NBEA: variants seen among roughly 807,000 people sequenced by gnomAD.
The protein encoded by NBEA is neurobeachin.
A neutral mutation model predicts 343.4 loss-of-function variants in NBEA; 44 were observed. The ratio of observed to expected loss-of-function variants is 0.13; its 90% CI spans 0.10 to 0.16. The LOEUF is 0.16. Ranked by LOEUF, NBEA falls within the 10% of genes least tolerant of loss-of-function variation. The probability of loss-of-function intolerance (pLI) is 1.00; values close to 1 mark genes in which losing one functional copy is unlikely to be tolerated. For synonymous variants in NBEA, 1,175 were observed against 1,238.7 expected (o/e 0.95, Z 1.08); for missense variants, 2,555 against 3,631.3 (o/e 0.70, Z 7.62).
chr13:34,987,633 A>T (rs1417464723), intron 1 of NBEA, among the ~76,000 whole-genome samples: 1 of 150,994 alleles, frequency 6.6e-6, no homozygotes, highest in South Asian at 2.1e-4. Flanking sequence ...AGGTACACCA[A>T]TCAAACGTAG....
chr13:35,401,343 T>C (rs541924138), intron 38 of NBEA, among the ~76,000 whole-genome samples: 1 of 152,154 alleles, frequency 6.6e-6, no homozygotes, highest in African/African-American at 2.4e-5. Context: ...GTAAATGATA[T>C]TTTTAAGTGA....
At chr13:35,274,287 G>A (rs1372025205) in intron 34 of NBEA, among the ~76,000 whole-genome samples, 1 of 152,184 alleles carries the variant, frequency 6.6e-6, no homozygotes, top group Non-Finnish European at 1.5e-5. Flanking sequence ...AATAGATGCA[G>A]AAAAGGCCGT....
intron 41 of NBEA, among the ~76,000 whole-genome samples, chr13:35,485,556 A>T (rs1462649741): frequency 6.6e-6 from 1 of 152,066 alleles, no homozygotes; most frequent in Admixed American, 6.6e-5. Context: ...AATATACTTG[A>T]TCCTCAAGAA....
At chr13:35,075,107 C>G (rs184052096) in intron 10 of NBEA, among the ~76,000 whole-genome samples, 1 of 152,230 alleles carries the variant, frequency 6.6e-6, no homozygotes, top group Non-Finnish European at 1.5e-5. Flanking sequence ...ATCACAGAGA[C>G]ATAAGTGGCA....
chr13:35,467,137 G>A (rs941334092), intron 40 of NBEA, among the ~76,000 whole-genome samples: 4 of 151,922 alleles, frequency 2.6e-5, no homozygotes, highest in Middle Eastern at 3.2e-3. Flanking sequence ...TATTTCTATG[G>A]GGGAGAATGT....
At chr13:35,000,475 C>T (rs1194280405) in intron 1 of NBEA, among the ~76,000 whole-genome samples, 1 of 151,856 alleles carries the variant, frequency 6.6e-6, no homozygotes, top group Non-Finnish European at 1.5e-5. Context: ...ATACCACCTA[C>T]AATTTACTAA....
At chr13:35,047,028 G>T (rs1441362329) in intron 4 of NBEA, among the ~76,000 whole-genome samples, 1 of 151,984 alleles carries the variant, frequency 6.6e-6, no homozygotes, top group Non-Finnish European at 1.5e-5. Flanking sequence ...TGGAATGTAA[G>T]TTCATCTATT....
At chr13:35,462,119 G>A (rs79428218) in intron 40 of NBEA, among the ~76,000 whole-genome samples, 113 of 152,246 alleles carry the variant, frequency 7.4e-4, no homozygotes, top group African/African-American at 2.6e-3. Flanking sequence ...AACTTCACTC[G>A]GGTGAATGTG....
chr13:35,369,614 A>G (rs922267914), intron 38 of NBEA, among the ~76,000 whole-genome samples: 1 of 151,800 alleles, frequency 6.6e-6, no homozygotes, highest in South Asian at 2.1e-4. Context: ...CTTTGGTTAC[A>G]TTGTGAATAG....
intron 1 of NBEA, among the ~76,000 whole-genome samples, chr13:34,970,784 A>G (rs937570417): frequency 6.6e-6 from 1 of 151,998 alleles, no homozygotes; most frequent in Non-Finnish European, 1.5e-5. Flanking sequence ...GTAGCTCTGT[A>G]TTATAGTTAA....
At chr13:35,445,882 A>G (rs1312093778) in intron 39 of NBEA, among the ~76,000 whole-genome samples, 4 of 148,772 alleles carry the variant, frequency 2.7e-5, no homozygotes, top group African/African-American at 9.9e-5. Flanking sequence ...TTTGTTACAT[A>G]TGTATACATG....
chr13:35,544,740 G>T (rs1446358378), intron 41 of NBEA, among the ~76,000 whole-genome samples: 1 of 152,184 alleles, frequency 6.6e-6, no homozygotes, highest in Non-Finnish European at 1.5e-5. Context: ...TGGATATTAA[G>T]CAGTTAGCTC....
At chr13:34,991,493 T>A (rs1437479742) in intron 1 of NBEA, among the ~76,000 whole-genome samples, 1 of 152,092 alleles carries the variant, frequency 6.6e-6, no homozygotes, top group Non-Finnish European at 1.5e-5. Context: ...CAACCACATC[T>A]TGTGAGAACT....
chr13:34,948,955 AT>A (rs2059269975), intron 1 of NBEA, among the ~76,000 whole-genome samples: 1 of 152,152 alleles, frequency 6.6e-6, no homozygotes, highest in Admixed American at 6.5e-5. Context: ...ATAGCAGAGA[AT>A]TAGAATATTA....
At chr13:35,411,897 T>G (rs117828364) in intron 38 of NBEA, among the ~76,000 whole-genome samples, 4,512 of 152,236 alleles carry the variant, frequency 0.03, 101 homozygotes, top group Non-Finnish European at 0.045. Flanking sequence ...CTTCCCATGT[T>G]TTTTTAACCA....
intron 38 of NBEA, among the ~76,000 whole-genome samples, chr13:35,383,148 G>C (rs1023465968): frequency 6.6e-6 from 1 of 152,098 alleles, no homozygotes; most frequent in African/African-American, 2.4e-5. Flanking sequence ...TTTAGACATA[G>C]GCTTTAGTGG....
intron 41 of NBEA, among the ~76,000 whole-genome samples, chr13:35,536,380 G>A (rs1185682045): frequency 6.6e-6 from 1 of 151,986 alleles, no homozygotes; most frequent in African/African-American, 2.4e-5. Context: ...AGTTATTCTA[G>A]AACATAAAGT....
intron 1 of NBEA, among the ~76,000 whole-genome samples, chr13:35,010,307 G>A (rs1382142366): frequency 6.6e-6 from 1 of 151,952 alleles, no homozygotes; most frequent in Non-Finnish European, 1.5e-5. Context: ...AAGGTAGATG[G>A]GGCTCATGCT....
intron 48 of NBEA, among the ~76,000 whole-genome samples, 199 bp downstream of exon 48, chr13:35,606,777 C>G (rs1264658395): frequency 6.6e-6 from 1 of 152,136 alleles, no homozygotes; most frequent in African/African-American, 2.4e-5. Flanking sequence ...ATTTTCCGTT[C>G]ATGAGGACTA....
Sources: allele counts gnomAD v4.1 joint callset (sites outside exome capture counted in the v4.1 genomes callset), GRCh38; gene constraint gnomAD v4.1.1; transcripts MANE v1.5; gene names NCBI Gene and HGNC (gene_info 2026-07-23, HGNC 2026-07-21).